The following TOP2B variants were observed in gnomAD, a reference collection of about 807,000 sequenced individuals.
TOP2B encodes the protein DNA topoisomerase 2-beta.
In TOP2B, 51 loss-of-function variants were observed where a neutral mutation model predicts 193.5. The ratio of observed to expected loss-of-function variants is 0.26; its 90% CI spans 0.21 to 0.33. TOP2B has a LOEUF of 0.33. Ranked by LOEUF, TOP2B falls within the 10% of genes least tolerant of loss-of-function variation. The pLI is 1.00. For synonymous variants in TOP2B, 634 were observed against 635.7 expected (o/e 1.00, Z 0.04); for missense variants, 1,378 against 1,909.3 (o/e 0.72, Z 5.19).
At position 25,630,473 on chromosome 3, in the gene TOP2B, A is replaced by G. The variant is rs1282227908; in HGVS notation, c.1406-4T>C. 1.3e-6 allele frequency: 2 copies of G among 1,526,076 alleles called. No homozygotes were observed. Among genetic ancestry groups the G allele is most frequent in the East Asian group, 2.5e-5 (1 of 40,716 alleles). 94.5% of individuals were successfully genotyped at this position (1,526,076 alleles called of 1,614,324 possible). A position where few individuals can be genotyped will look rare whatever the true frequency, so the allele number is the denominator to read the frequency against. On this transcript the variant is annotated splice_region_variant and splice_polypyrimidine_tract_variant and intron_variant, in intron 11 of 35. Coordinates refer to ENST00000264331, the MANE Select transcript of TOP2B (RefSeq NM_001330700.2). Reference sequence around the variant, plus strand: ...CACTCCAGGGAATGTTTACCACCTGAGAGAAATTTAAAATTATACATAGTA... The same window carrying G: ...CACTCCAGGGAATGTTTACCACCTGGGAGAAATTTAAAATTATACATAGTA...
intron 3 of TOP2B, 37 bp from the exon 4 acceptor site, chr3:25,642,422 A>G (rs1559505673): frequency 7.5e-7 from 1 of 1,328,050 alleles, no homozygotes; most frequent in Admixed American, 2.1e-5. Context: ...AATATACAAA[A>G]TTATATAAAT....
At chr3:25,647,033 T>C (rs1029368377) in intron 1 of TOP2B, among the ~76,000 whole-genome samples, 1 of 152,200 alleles carries the variant, frequency 6.6e-6, no homozygotes, top group Non-Finnish European at 1.5e-5. Flanking sequence ...AAAAGTAGCT[T>C]TGGATAAAAG....
At chr3:25,647,543 A>G (rs1703442868) in intron 1 of TOP2B, among the ~76,000 whole-genome samples, 1 of 152,076 alleles carries the variant, frequency 6.6e-6, no homozygotes, top group African/African-American at 2.4e-5. Context: ...TATTTTCAAG[A>G]TTAGACTCAA....
intron 13 of TOP2B, among the ~76,000 whole-genome samples, chr3:25,629,735 C>A (rs1235498221): frequency 6.6e-6 from 1 of 151,912 alleles, no homozygotes. Flanking sequence ...TAAATATTAA[C>A]CCTTATCATT....
chr3:25,637,032 G>A (rs1007636043), intron 6 of TOP2B, among the ~76,000 whole-genome samples, 183 bp downstream of exon 6: 2 of 151,774 alleles, frequency 1.3e-5, no homozygotes, highest in Non-Finnish European at 2.9e-5. Context: ...AGAGGAATAG[G>A]CTTATATTAA....
At chr3:25,641,645 A>C (rs1175504863) in intron 4 of TOP2B, among the ~76,000 whole-genome samples, 3 of 152,244 alleles carry the variant, frequency 2.0e-5, no homozygotes, top group Admixed American at 6.5e-5. Flanking sequence ...TTATACTACT[A>C]ATCTTAACTG....
At chr3:25,601,977 G>C (rs1177777575) in intron 33 of TOP2B, among the ~76,000 whole-genome samples, 1 of 152,082 alleles carries the variant, frequency 6.6e-6, no homozygotes, top group Non-Finnish European at 1.5e-5. Context: ...ATCCAGACTT[G>C]GCATTTTTAT....
In TOP2B at chr3:25,601,100, C is replaced by A. The variant is rs761472190; in HGVS notation, c.4615G>T (p.Gly1539Cys). Residue 1539 changes from glycine (G) to cysteine (C), a missense_variant and splice_region_variant, in exon 34 of 36, where the codon GGT (glycine) becomes TGT (cysteine). Around this residue, in one of 9 missense-constraint regions of TOP2B, gnomAD observed 556 missense variants for 584.2 expected, o/e 0.95. Transcript: ENST00000264331. ...AGGGTTATAAGAAGATAATCCTCACCTTTTGGTGTTGTAGTCTTCTTTGGA... is the reference window on the plus strand; with the variant it reads ...AGGGTTATAAGAAGATAATCCTCACATTTTGGTGTTGTAGTCTTCTTTGGA... ...GIPKKTTTPK[G>C]KGRGAKKRKA... 3.7e-6 allele frequency: 6 copies of A among 1,613,204 alleles called. No individual in the cohort carries two copies. The Admixed American group carries it at 1.0e-4, about 27-fold the overall frequency.
chr3:25,623,570 C>T lies in TOP2B; in HGVS notation c.2672G>A (p.Arg891Lys). ...WACKLPNYDAREIVNNVRRML... is the reference protein window; with the variant it reads ...WACKLPNYDAKEIVNNVRRML... Reference sequence around the variant, plus strand: ...TCGTCTGACATTGTTCACAATTTCCCTAGCATCATAGTTGGGTAGTTTACA... The same window carrying T: ...TCGTCTGACATTGTTCACAATTTCCTTAGCATCATAGTTGGGTAGTTTACA... Residue 891 changes from arginine to lysine, a missense_variant, in exon 21 of 36, where the codon AGG (arginine) becomes AAG (lysine). Around this residue, in one of 9 missense-constraint regions of TOP2B, gnomAD observed 379 missense variants for 615.1 expected, o/e 0.62. Coordinates refer to ENST00000264331, the MANE Select transcript of TOP2B (RefSeq NM_001330700.2). 3 of 1,613,850 alleles carry T rather than the reference C, an allele frequency of 1.9e-6. No individual in the cohort carries two copies.
At chr3:25,601,922 G>A (rs556450071) in intron 33 of TOP2B, among the ~76,000 whole-genome samples, 15 of 152,102 alleles carry the variant, frequency 9.9e-5, no homozygotes, top group Non-Finnish European at 1.5e-4. Context: ...TGGGATCCTC[G>A]AATACAATGA....
intron 15 of TOP2B, among the ~76,000 whole-genome samples, chr3:25,628,048 T>A (rs1702853874): frequency 1.4e-5 from 2 of 146,734 alleles, no homozygotes; most frequent in Admixed American, 6.9e-5. Flanking sequence ...CAAGACTCTA[T>A]CTCAAAAAAA....
intron 12 of TOP2B, 59 bp from the exon 13 acceptor site, chr3:25,630,213 A>T: frequency 6.6e-7 from 1 of 1,521,028 alleles, no homozygotes; most frequent in Non-Finnish European, 8.8e-7. Context: ...ACGAGTCAGA[A>T]ATTACATTTA....
intron 18 of TOP2B, 169 bp from the exon 19 acceptor site, chr3:25,624,972 T>G: frequency 1.6e-6 from 1 of 642,334 alleles, no homozygotes; most frequent in Non-Finnish European, 2.6e-6. Context: ...TTTGTTTGTT[T>G]TTTCCTAGAA....
At chr3:25,640,576 A>C (rs140489432) in intron 4 of TOP2B, among the ~76,000 whole-genome samples, 217 of 152,262 alleles carry the variant, frequency 1.4e-3, no homozygotes, top group African/African-American at 5.1e-3. Context: ...TTCTGCCTAC[A>C]CAAAAATGTT....
chr3:25,631,007 G>T, intron 10 of TOP2B, 68 bp from the exon 11 acceptor site: 1 of 1,350,420 alleles, frequency 7.4e-7, no homozygotes, highest in Non-Finnish European at 9.9e-7. Context: ...AATGTATAGG[G>T]CCTAATGCAA....
intron 6 of TOP2B, 103 bp downstream of exon 6, chr3:25,637,112 T>A: frequency 1.3e-6 from 1 of 797,890 alleles, no homozygotes. Flanking sequence ...AAAAAAAAAA[T>A]GAAGTTATAC....
At chr3:25,625,849 C>G (rs1394381769) in intron 18 of TOP2B, among the ~76,000 whole-genome samples, 1 of 152,036 alleles carries the variant, frequency 6.6e-6, no homozygotes, top group Non-Finnish European at 1.5e-5. Flanking sequence ...TAATCTAATT[C>G]TAGAGGCAAA....
At chr3:25,629,197 T>G in intron 13 of TOP2B, 52 bp from the exon 14 acceptor site, 1 of 1,292,400 alleles carries the variant, frequency 7.7e-7, no homozygotes, top group Non-Finnish European at 1.1e-6. Flanking sequence ...TATAAAATGA[T>G]TACTTATATA....
At chr3:25,604,721 T>G in intron 33 of TOP2B, 39 bp downstream of exon 33, 1 of 1,423,006 alleles carries the variant, frequency 7.0e-7, no homozygotes, top group Non-Finnish European at 9.8e-7. Context: ...ATTAACTATC[T>G]CTATCCAATG....
Sources: allele counts gnomAD v4.1 joint callset (sites outside exome capture counted in the v4.1 genomes callset), GRCh38; gene constraint gnomAD v4.1.1; regional missense constraint gnomAD v4.1.1; transcripts MANE v1.5; gene names NCBI Gene and HGNC (gene_info 2026-07-23, HGNC 2026-07-21).